Variants in ANKS1B observed in about 807,000 individuals in gnomAD.
ANKS1B encodes the protein ankyrin repeat and sterile alpha motif domain containing 1B, also known as ankyrin repeat and sterile alpha motif domain-containing protein 1B.
ANKS1B carries 36 observed loss-of-function variants against 148.3 expected under a neutral mutation model. That is an observed-to-expected ratio of 0.24 (90% CI 0.19 to 0.32). ANKS1B has a LOEUF of 0.32. Among genes scored for constraint, ANKS1B ranks in the 10% least tolerant of loss-of-function variants. ANKS1B has a pLI of 1.00. For missense variants in ANKS1B, 1,157 were observed against 1,542.6 expected, an observed-to-expected ratio of 0.75 and a Z score of 4.19; for synonymous variants, 542 against 560.8, an observed-to-expected ratio of 0.97 and a Z score of 0.47.
chr12:99,401,468 T>C (rs1477287583), intron 11 of ANKS1B, among the ~76,000 whole-genome samples: 1 of 146,560 alleles, frequency 6.8e-6, no homozygotes, highest in Non-Finnish European at 1.5e-5. Context: ...ATGATATATA[T>C]GATTCCCCCA....
chr12:99,183,609 C>A (rs1203041421), intron 14 of ANKS1B, among the ~76,000 whole-genome samples: 1 of 152,164 alleles, frequency 6.6e-6, no homozygotes, highest in Non-Finnish European at 1.5e-5. Flanking sequence ...TGTCACTGCA[C>A]TCCAGCCTGG....
chr12:99,295,265 G>T (rs1473916825), intron 12 of ANKS1B, among the ~76,000 whole-genome samples: 1 of 152,178 alleles, frequency 6.6e-6, no homozygotes, highest in Non-Finnish European at 1.5e-5. Context: ...TTTAAATTTT[G>T]TAACAGGTAA....
At chr12:98,747,316 G>A (rs1018930197) in intron 26 of ANKS1B, among the ~76,000 whole-genome samples, 1 of 152,132 alleles carries the variant, frequency 6.6e-6, no homozygotes, top group Non-Finnish European at 1.5e-5. Context: ...CTAAAAAGAC[G>A]ACATACAAAC....
intron 15 of ANKS1B, among the ~76,000 whole-genome samples, chr12:99,098,638 T>A (rs2057017048): frequency 2.3e-5 from 3 of 129,606 alleles, no homozygotes; most frequent in Non-Finnish European, 4.7e-5. Context: ...TTTTTTTTTT[T>A]TTTTTTTTTT....
intron 1 of ANKS1B, among the ~76,000 whole-genome samples, chr12:99,957,445 T>C (rs1204612186): frequency 1.3e-5 from 2 of 152,238 alleles, no homozygotes; most frequent in Non-Finnish European, 2.9e-5. Flanking sequence ...CTGGAATCCA[T>C]AGTGAAAAGT....
intron 9 of ANKS1B, among the ~76,000 whole-genome samples, chr12:99,541,532 T>G (rs531948518): frequency 3.5e-4 from 54 of 152,206 alleles, no homozygotes; most frequent in African/African-American, 1.1e-3. Context: ...CACAAAATCA[T>G]CTCAACAGAC....
At chr12:99,222,530 C>A (rs2085289653) in intron 14 of ANKS1B, among the ~76,000 whole-genome samples, 1 of 152,136 alleles carries the variant, frequency 6.6e-6, no homozygotes, top group East Asian at 1.9e-4. Flanking sequence ...ATAGGAGGAT[C>A]CTTTGAGCTG....
intron 9 of ANKS1B, among the ~76,000 whole-genome samples, chr12:99,544,232 A>G (rs922074540): frequency 2.6e-5 from 4 of 152,170 alleles, no homozygotes; most frequent in Admixed American, 2.0e-4. Context: ...GGCATGAACA[A>G]ATATTGAAAT....
intron 9 of ANKS1B, among the ~76,000 whole-genome samples, chr12:99,593,390 T>C (rs768814129): frequency 4.1e-4 from 63 of 152,098 alleles, no homozygotes; most frequent in African/African-American, 1.3e-3. Flanking sequence ...TAGTTTCCTA[T>C]TGAAAAAAGT....
chr12:99,712,694 C>A (rs1374521592), intron 8 of ANKS1B, among the ~76,000 whole-genome samples: 1 of 152,090 alleles, frequency 6.6e-6, no homozygotes, highest in Non-Finnish European at 1.5e-5. Context: ...GTTATCAGAT[C>A]AAAAAGTACA....
intron 17 of ANKS1B, among the ~76,000 whole-genome samples, chr12:98,936,623 TAAAAAAA>T (rs201127042): frequency 6.8e-6 from 1 of 146,582 alleles, no homozygotes; most frequent in African/African-American, 2.5e-5. Flanking sequence ...GAGACTCTGT[TAAAAAAA>T]AAAAGAACAA....
intron 17 of ANKS1B, among the ~76,000 whole-genome samples, chr12:99,014,630 A>G (rs1407207290): frequency 6.6e-6 from 1 of 152,220 alleles, no homozygotes; most frequent in Non-Finnish European, 1.5e-5. Context: ...GCATCTGACA[A>G]ACGTCTAATA....
chr12:99,652,972 TTTTA>T (rs1354593104), intron 9 of ANKS1B, among the ~76,000 whole-genome samples: 1 of 152,166 alleles, frequency 6.6e-6, no homozygotes, highest in Non-Finnish European at 1.5e-5. Context: ...TGGATAGTTT[TTTTA>T]AATTACATGA....
chr12:99,533,421 T>C (rs1290654929), intron 9 of ANKS1B, among the ~76,000 whole-genome samples: 3 of 152,202 alleles, frequency 2.0e-5, no homozygotes, highest in African/African-American at 7.2e-5. Context: ...ATCTATCAGA[T>C]CTAGGAGTCT....
chr12:99,982,820 C>T (rs950914004), intron 1 of ANKS1B, among the ~76,000 whole-genome samples: 1 of 152,174 alleles, frequency 6.6e-6, no homozygotes, highest in Admixed American at 6.5e-5. Context: ...TCACTGTCAA[C>T]GAGTATATAG....
intron 10 of ANKS1B, among the ~76,000 whole-genome samples, chr12:99,492,027 C>T (rs117330488): frequency 0.026 from 3,930 of 152,100 alleles, 77 homozygotes; most frequent in Non-Finnish European, 0.04. Flanking sequence ...ACCCCCAAAG[C>T]TAGCAGAAGA....
At chr12:99,138,566 C>T (rs1007042738) in intron 15 of ANKS1B, among the ~76,000 whole-genome samples, 6 of 152,214 alleles carry the variant, frequency 3.9e-5, no homozygotes, top group African/African-American at 1.4e-4. Flanking sequence ...TCTGGGTGAG[C>T]CTATCTGGGC....
chr12:99,055,714 C>G (rs1038929842), intron 16 of ANKS1B, among the ~76,000 whole-genome samples: 35 of 69,544 alleles, frequency 5.0e-4, no homozygotes, highest in Non-Finnish European at 9.7e-4. Context: ...TAGGGGAAGT[C>G]TAAACTTGGG....
intron 1 of ANKS1B, among the ~76,000 whole-genome samples, chr12:99,982,631 A>G (rs570410477): frequency 6.6e-6 from 1 of 152,334 alleles, no homozygotes; most frequent in Admixed American, 6.5e-5. Context: ...CACATAAACT[A>G]CATGTGACTA....
Sources: gnomAD v4.1 joint callset for allele counts (sites outside exome capture counted in the v4.1 genomes callset) on GRCh38, gnomAD v4.1.1 for gene constraint, MANE v1.5 for transcripts, NCBI Gene and HGNC (gene_info 2026-07-23, HGNC 2026-07-21) for gene names.